Variants in MIAT observed in about 807,000 individuals in gnomAD.
The protein encoded by MIAT is myocardial infarction associated transcript.
At chr22:26,651,866 G>A (rs1418265371) in intron 2 of MIAT, among the ~76,000 whole-genome samples, 1 of 152,192 alleles carries the variant, frequency 6.6e-6, no homozygotes, top group Non-Finnish European at 1.5e-5. Context: ...TTATTTTGGG[G>A]GTGATGAAAA....
intron 4 of MIAT, chr22:26,667,044 G>C (rs189286003): frequency 2.8e-5 from 11 of 397,570 alleles, no homozygotes; most frequent in Admixed American, 8.8e-5. Flanking sequence ...GGCCCAGAAC[G>C]CTCCTGCTCA....
At chr22:26,664,551 C>T (rs1387176641) in intron 3 of MIAT, among the ~76,000 whole-genome samples, 1 of 152,204 alleles carries the variant, frequency 6.6e-6, no homozygotes, top group Non-Finnish European at 1.5e-5. Context: ...ATCTATTTCT[C>T]ATCTCGGTAG....
At chr22:26,671,103 A>G (rs1237870101), downstream of MIAT, 1 of 398,464 alleles carries the variant, frequency 2.5e-6, no homozygotes, top group African/African-American at 2.1e-5. Flanking sequence ...TGTCTGTCAG[A>G]GTGTAACAGG....
intron 2 of MIAT, among the ~76,000 whole-genome samples, chr22:26,654,256 C>A (rs933782003): frequency 6.6e-6 from 1 of 152,076 alleles, no homozygotes; most frequent in Admixed American, 6.6e-5. Context: ...TCTCTAGAAC[C>A]AAAGATACTT....
exon 5 of MIAT, chr22:26,667,265 C>T: frequency 2.5e-6 from 1 of 398,586 alleles, no homozygotes; most frequent in East Asian, 3.6e-5. Flanking sequence ...CCCATCTGCT[C>T]AGATCTTCAT....
chr22:26,659,554 T>G (rs74276996), intron 2 of MIAT, among the ~76,000 whole-genome samples: 26,861 of 151,984 alleles, frequency 0.18, 2,701 homozygotes, highest in East Asian at 0.35. Flanking sequence ...ATGAGAATTT[T>G]GGGCTGGGCA....
chr22:26,666,172 C>T, exon 4 of MIAT: 1 of 398,650 alleles, frequency 2.5e-6, no homozygotes, highest in African/African-American at 2.1e-5. Flanking sequence ...CCTGACTCTC[C>T]TGACTCAGGT....
chr22:26,664,254 G>A (rs1430606115), intron 3 of MIAT, among the ~76,000 whole-genome samples: 32 of 151,998 alleles, frequency 2.1e-4, no homozygotes, highest in Admixed American at 1.9e-3. Context: ...TCGAGTGGTC[G>A]CCTCGGCCTC....
downstream of MIAT, chr22:26,670,243 C>T (rs1440552722): frequency 1.5e-5 from 6 of 398,484 alleles, no homozygotes; most frequent in Admixed American, 4.4e-5. Flanking sequence ...TCTACTCTCT[C>T]ATCAGCACTG....
exon 4 of MIAT, chr22:26,665,548 G>A (rs1930816299): frequency 5.0e-6 from 2 of 398,662 alleles, no homozygotes. Context: ...CAAGTTCCTG[G>A]GACAGAGGAG....
intron 4 of MIAT, chr22:26,666,973 A>G (rs532570618): frequency 2.5e-6 from 1 of 397,738 alleles, no homozygotes; most frequent in Non-Finnish European, 4.4e-6. Context: ...GGAGGGAGGG[A>G]GGTCACATGG....
chr22:26,649,242 G>A (rs903014232), intron 2 of MIAT, among the ~76,000 whole-genome samples: 2 of 152,176 alleles, frequency 1.3e-5, no homozygotes, highest in Admixed American at 6.5e-5. Flanking sequence ...CCTACCCAAA[G>A]TCACATGGTG....
At chr22:26,663,438 G>C in intron 3 of MIAT, 1 of 398,616 alleles carries the variant, frequency 2.5e-6, no homozygotes, top group Non-Finnish European at 4.4e-6. Flanking sequence ...GGGGATGGTA[G>C]AGACCAGCTT....
At chr22:26,672,719 C>T, downstream of MIAT, 2 of 399,068 alleles carry the variant, frequency 5.0e-6, no homozygotes, top group East Asian at 3.6e-5. Context: ...CGGAAATTAG[C>T]AGAGGGGCGT....
At chr22:26,646,561 T>A (rs1930238973) in exon 1 of MIAT, 1 of 398,584 alleles carries the variant, frequency 2.5e-6, no homozygotes, top group Non-Finnish European at 4.4e-6. Flanking sequence ...GGCCAGGATC[T>A]GGATGCAGAT....
exon 4 of MIAT, chr22:26,666,497 C>T (rs902410724): frequency 1.0e-5 from 4 of 398,524 alleles, no homozygotes; most frequent in Non-Finnish European, 1.8e-5. Flanking sequence ...AGGAAGGGTT[C>T]CAGGGCCACC....
Position 26,663,219 on chromosome 22 carries a change from G to T in MIAT, n.647-97G>T, listed in dbSNP as rs147059153. On this transcript the variant is annotated intron_variant and non_coding_transcript_variant, in intron 2 of 5. Transcript: ENST00000643270. ...TCCAAGGAGATCAGTTTTGGGAAAC[G>T]CTGTGATTTGAAACAGGACCTTAGC... 1,874 of 396,822 alleles carry T rather than the reference G, an allele frequency of 4.7e-3. 13 individuals carry two copies. Among genetic ancestry groups the T allele is most frequent in the Non-Finnish European group, 4.5e-3 (1,002 of 225,124 alleles). The allele number at this position is 396,822 out of a possible 1,614,324, so 24.6% of individuals were successfully genotyped here.
chr22:26,659,515 G>A (rs1013331994), intron 2 of MIAT, among the ~76,000 whole-genome samples: 5 of 151,922 alleles, frequency 3.3e-5, no homozygotes, highest in African/African-American at 1.2e-4. Context: ...CCAGCTTTAG[G>A]AGAATAATTC....
intron 2 of MIAT, among the ~76,000 whole-genome samples, chr22:26,660,461 C>CAAAAA (rs58234097): frequency 1.6e-4 from 17 of 107,140 alleles, no homozygotes; most frequent in East Asian, 7.9e-4. Context: ...GAGACTATCT[C>CAAAAA]AAAAAAAAAA....
Sources: gnomAD v4.1 joint callset for allele counts (sites outside exome capture counted in the v4.1 genomes callset) on GRCh38, gnomAD v4.1.1 for gene constraint, MANE v1.5 for transcripts, NCBI Gene and HGNC (gene_info 2026-07-23, HGNC 2026-07-21) for gene names.